Variants in TCERG1L observed in about 807,000 individuals in gnomAD.
The protein encoded by TCERG1L is transcription elongation regulator 1-like protein.
In TCERG1L, 37 loss-of-function variants were observed where a neutral mutation model predicts 56.3. The observed-to-expected ratio is 0.66, with a 90% CI of 0.51 to 0.87. The LOEUF is 0.87. Ranked by LOEUF, TCERG1L falls within the 40% of genes least tolerant of loss-of-function variation. TCERG1L has a pLI of 0.00. For synonymous variants in TCERG1L, 324 were observed against 326.3 expected (o/e 0.99, Z 0.08); for missense variants, 799 against 774.2 (o/e 1.03, Z -0.38).
intron 3 of TCERG1L, among the ~76,000 whole-genome samples, chr10:131,261,529 G>A (rs990367329): frequency 6.6e-6 from 1 of 152,194 alleles, no homozygotes; most frequent in Non-Finnish European, 1.5e-5. Flanking sequence ...GATTACATCA[G>A]GGAAGATCGT....
chr10:131,106,091 T>C (rs759849793), intron 9 of TCERG1L, among the ~76,000 whole-genome samples: 3 of 152,238 alleles, frequency 2.0e-5, no homozygotes, highest in Non-Finnish European at 4.4e-5. Context: ...TGTTCATTGC[T>C]AGTGAGGTGT....
At chr10:131,232,934 A>G (rs1166508584) in intron 4 of TCERG1L, among the ~76,000 whole-genome samples, 1 of 152,216 alleles carries the variant, frequency 6.6e-6, no homozygotes, top group Admixed American at 6.5e-5. Flanking sequence ...CAAAGGCTAC[A>G]TAGAGAGTTA....
At chr10:131,279,257 G>A (rs948404005) in intron 3 of TCERG1L, among the ~76,000 whole-genome samples, 12 of 152,208 alleles carry the variant, frequency 7.9e-5, no homozygotes, top group Non-Finnish European at 1.8e-4. Flanking sequence ...TTTACGAAGG[G>A]ACAGAGGAAA....
At chr10:131,171,439 G>C (rs1846092155) in intron 4 of TCERG1L, among the ~76,000 whole-genome samples, 2 of 152,156 alleles carry the variant, frequency 1.3e-5, no homozygotes, top group Non-Finnish European at 2.9e-5. Context: ...AAGACTCAAA[G>C]GTATCATCAT....
rs181734507 is a variant in TCERG1L, at chr10:131,268,580, T to C, written c.671-8136A>G. On this transcript the variant is annotated intron_variant, in intron 3 of 11. Transcript: ENST00000368642. ...AGTCCTAGACGGCATCTTCTTCCAATAGATGGCTGTTTCATCTGCATTGCA... is the reference window on the plus strand; with the variant it reads ...AGTCCTAGACGGCATCTTCTTCCAACAGATGGCTGTTTCATCTGCATTGCA... Among the ~76,000 whole-genome samples, 120 of 152,372 alleles carry C rather than the reference T, an allele frequency of 7.9e-4. 4 individuals are homozygous for C. The East Asian group carries it at 0.015, about 19-fold the overall frequency.
intron 4 of TCERG1L, among the ~76,000 whole-genome samples, chr10:131,173,589 G>C (rs1846115028): frequency 6.6e-6 from 1 of 152,246 alleles, no homozygotes; most frequent in South Asian, 2.1e-4. Flanking sequence ...CCATCTTCAT[G>C]CTGAGTGTCA....
chr10:131,115,505 G>T (rs11017732), intron 9 of TCERG1L, among the ~76,000 whole-genome samples: 1 of 45,840 alleles, frequency 2.2e-5, no homozygotes, highest in Non-Finnish European at 5.9e-5. Context: ...CGCCAGGGCC[G>T]GATCCACACG....
intron 4 of TCERG1L, among the ~76,000 whole-genome samples, chr10:131,259,408 CAG>C (rs1846209845): frequency 6.6e-6 from 1 of 152,142 alleles, no homozygotes; most frequent in Admixed American, 6.5e-5. Context: ...ACCAAAATAA[CAG>C]AGTAAATCCT....
intron 4 of TCERG1L, among the ~76,000 whole-genome samples, chr10:131,228,084 G>A (rs957828959): frequency 7.3e-5 from 11 of 151,474 alleles, no homozygotes; most frequent in Admixed American, 7.2e-4. Context: ...CTGGACCTCC[G>A]AGCCCCTGAC....
chr10:131,120,693 A>T (rs1300662957), intron 8 of TCERG1L, among the ~76,000 whole-genome samples: 2 of 152,218 alleles, frequency 1.3e-5, no homozygotes, highest in African/African-American at 2.4e-5. Context: ...ATGGATCAAG[A>T]TCCAAACCTC....
chr10:131,236,829 C>G (rs1027838272), intron 4 of TCERG1L, among the ~76,000 whole-genome samples: 3 of 152,090 alleles, frequency 2.0e-5, no homozygotes, highest in Non-Finnish European at 4.4e-5. Context: ...GAAGATCCAG[C>G]CTTCATCTAG....
chr10:131,132,889 C>T (rs575472312), intron 8 of TCERG1L, among the ~76,000 whole-genome samples: 4 of 152,320 alleles, frequency 2.6e-5, no homozygotes, highest in South Asian at 2.1e-4. Flanking sequence ...CTGCCACGTG[C>T]GGCCCTAGAC....
intron 4 of TCERG1L, among the ~76,000 whole-genome samples, chr10:131,257,037 G>GAA (rs1302792147): frequency 7.1e-6 from 1 of 141,676 alleles, no homozygotes; most frequent in Non-Finnish European, 1.6e-5. Flanking sequence ...AAGAAAGAAA[G>GAA]AAAGAAAGAA....
intron 11 of TCERG1L, 126 bp from the exon 12 acceptor site, chr10:131,093,444 G>A (rs558689743): frequency 1.3e-4 from 148 of 1,156,440 alleles, no homozygotes; most frequent in Non-Finnish European, 6.0e-5. Flanking sequence ...GGGTGGCAGG[G>A]CACCCGGTGG....
intron 8 of TCERG1L, among the ~76,000 whole-genome samples, chr10:131,131,406 C>T (rs1321910850): frequency 6.6e-6 from 1 of 152,212 alleles, no homozygotes; most frequent in African/African-American, 2.4e-5. Context: ...GCAGCACCTC[C>T]AGGCCCTGAG....
In TCERG1L at chr10:131,250,159, G is replaced by A. The variant is rs148359931; in HGVS notation, c.856+10100C>T. On this transcript the variant is annotated intron_variant, in intron 4 of 11. Transcript: ENST00000368642. ...GACGGGGGCTGGCAGAGCCCACCTC[G>A]CTCCCCTGCAGATCCTCCCAGAGGC... is the stretch of plus-strand genomic sequence containing the variant. 3.5e-4 allele frequency among the ~76,000 whole-genome samples: 54 copies of A among 152,278 alleles called. 1 individual carries two copies. In the East Asian group the frequency reaches 7.6e-3, roughly 21 times the overall value.
intron 4 of TCERG1L, among the ~76,000 whole-genome samples, chr10:131,184,367 A>G (rs1485998356): frequency 1.3e-5 from 2 of 152,264 alleles, no homozygotes; most frequent in African/African-American, 4.8e-5. Flanking sequence ...TGGATGGCTG[A>G]CTAAATGTAT....
In TCERG1L at chr10:131,248,671, C is replaced by T. The variant is rs552128721; in HGVS notation, c.856+11588G>A. Among the ~76,000 whole-genome samples, 10 of 152,340 alleles carry T rather than the reference C, an allele frequency of 6.6e-5. No individual in the cohort carries two copies. The South Asian group carries it at 1.9e-3, about 28-fold the overall frequency. On this transcript the variant is annotated intron_variant, in intron 4 of 11. Transcript: ENST00000368642. Reference sequence around the variant, plus strand: ...CAGGGAATGAGAGCCCCCGTGCTGCCCTCAAACACATGCAGCTGAGAGTCA... The same window carrying T: ...CAGGGAATGAGAGCCCCCGTGCTGCTCTCAAACACATGCAGCTGAGAGTCA...
intron 3 of TCERG1L, among the ~76,000 whole-genome samples, chr10:131,276,817 C>T (rs1235116466): frequency 1.3e-5 from 2 of 152,152 alleles, no homozygotes; most frequent in East Asian, 1.9e-4. Context: ...TTCAGTGGAT[C>T]GCGGATAAAT....
Sources: allele counts gnomAD v4.1 joint callset (sites outside exome capture counted in the v4.1 genomes callset), GRCh38; gene constraint gnomAD v4.1.1; transcripts MANE v1.5; gene names NCBI Gene and HGNC (gene_info 2026-07-23, HGNC 2026-07-21).